Variants in PIEZO1 observed in about 807,000 individuals in gnomAD.
PIEZO1 encodes the protein piezo-type mechanosensitive ion channel component 1.
A neutral mutation model predicts 297.2 loss-of-function variants in PIEZO1; 296 were observed. The ratio of observed to expected loss-of-function variants is 1.00; its 90% CI spans 0.91 to 1.10. The LOEUF (loss-of-function observed/expected upper bound fraction) is 1.10. Among genes scored for constraint, PIEZO1 ranks in the 50% least tolerant of loss-of-function variants. The pLI, the probability that PIEZO1 is intolerant of heterozygous loss-of-function variation, is 0.00. For missense variants in PIEZO1, 5,018 were observed against 3,455.5 expected, an observed-to-expected ratio of 1.45 and a Z score of -11.34; for synonymous variants, 2,427 against 1,507.5, an observed-to-expected ratio of 1.61 and a Z score of -14.13.
Position 88,733,218 on chromosome 16 carries a change from G to A in PIEZO1, c.2664+60C>T, listed in dbSNP as rs552647278. On this transcript the variant is annotated intron_variant, in intron 19 of 50. Coordinates refer to ENST00000301015, the MANE Select transcript of PIEZO1 (RefSeq NM_001142864.4). ...CTGAGGCAGCTGCCCCAGGAGGGTC[G>A]GGCTGCGAATACAGAGTTGCCTGGA... 49 of 1,443,804 alleles carry A rather than the reference G, an allele frequency of 3.4e-5. 1 individual carries two copies. Among genetic ancestry groups the A allele is most frequent in the African/African-American group, 2.3e-4 (16 of 71,054 alleles). The allele number at this position is 1,443,804 out of a possible 1,614,324, so 89.4% of individuals were successfully genotyped here. A position where few individuals can be genotyped will look rare whatever the true frequency, so the allele number is the denominator to read the frequency against.
intron 1 of PIEZO1, among the ~76,000 whole-genome samples, chr16:88,781,348 G>A (rs1597492723): frequency 2.0e-5 from 3 of 152,220 alleles, no homozygotes; most frequent in Admixed American, 2.0e-4. Context: ...CTGTGTCCTG[G>A]GCACCAGTGA....
intron 1 of PIEZO1, among the ~76,000 whole-genome samples, chr16:88,783,838 C>T (rs991876400): frequency 6.6e-6 from 1 of 152,262 alleles, no homozygotes; most frequent in African/African-American, 2.4e-5. Flanking sequence ...CTCAGGCAGG[C>T]GGCTCTAGAT....
chr16:88,738,490 C>G (rs1420419999), intron 6 of PIEZO1, 50 bp from the exon 7 acceptor site: 2 of 1,525,388 alleles, frequency 1.3e-6, no homozygotes, highest in East Asian at 4.9e-5. Context: ...CCATGTGTCC[C>G]GCTGTCTCCA....
At chr16:88,776,597 G>C (rs1339188095) in intron 1 of PIEZO1, among the ~76,000 whole-genome samples, 4 of 152,148 alleles carry the variant, frequency 2.6e-5, no homozygotes, top group Non-Finnish European at 5.9e-5. Context: ...TGTGTGCTCA[G>C]GGCATCTGGG....
intron 27 of PIEZO1, 72 bp downstream of exon 27, chr16:88,726,212 G>A: frequency 7.5e-7 from 1 of 1,327,790 alleles, no homozygotes; most frequent in Non-Finnish European, 1.0e-6. Flanking sequence ...GCCTGAGACA[G>A]TGAGGAACCT....
At chr16:88,720,879 G>A (rs1341538270) in intron 39 of PIEZO1, 131 bp from the exon 40 acceptor site, 2 of 1,118,826 alleles carry the variant, frequency 1.8e-6, no homozygotes, top group African/African-American at 3.1e-5. Flanking sequence ...AAAGCTCCCA[G>A]TGTCACTGGC....
At chr16:88,765,088 C>A (rs997745246) in intron 1 of PIEZO1, among the ~76,000 whole-genome samples, 1 of 152,248 alleles carries the variant, frequency 6.6e-6, no homozygotes, top group Non-Finnish European at 1.5e-5. Context: ...GAGCCCTCAC[C>A]CTGTGATTTA....
chr16:88,727,785 A>C, intron 22 of PIEZO1, 124 bp from the exon 23 acceptor site: 1 of 474,360 alleles, frequency 2.1e-6, no homozygotes, highest in Non-Finnish European at 3.8e-6. Context: ...CCTCGCGCAC[A>C]CCTGGTGTCT....
At chr16:88,738,868 C>T (rs532916854) in intron 5 of PIEZO1, 132 bp from the exon 6 acceptor site, 4 of 778,040 alleles carry the variant, frequency 5.1e-6, no homozygotes, top group East Asian at 5.4e-5. Context: ...CACAGGACAG[C>T]CTCCCCGGGC....
intron 19 of PIEZO1, 111 bp from the exon 20 acceptor site, chr16:88,732,843 G>A: frequency 1.8e-6 from 2 of 1,107,974 alleles, no homozygotes; most frequent in East Asian, 2.6e-5. Flanking sequence ...TCCCCAGCCA[G>A]GGACACGGGG....
At chr16:88,722,483 G>C in intron 35 of PIEZO1, 86 bp from the exon 36 acceptor site, 1 of 1,428,964 alleles carries the variant, frequency 7.0e-7, no homozygotes, top group Non-Finnish European at 9.3e-7. Flanking sequence ...AAGTGCCCAC[G>C]GTCCTTTGGG....
chr16:88,750,250 C>T (rs1231563236), intron 1 of PIEZO1, among the ~76,000 whole-genome samples: 4 of 151,326 alleles, frequency 2.6e-5, no homozygotes, highest in African/African-American at 7.3e-5. Flanking sequence ...GCAGGAGAAT[C>T]GCTTGAACCC....
intron 7 of PIEZO1, 31 bp from the exon 8 acceptor site, chr16:88,738,136 A>C (rs1597461827): frequency 6.5e-7 from 1 of 1,534,768 alleles, no homozygotes. Flanking sequence ...ACAGCCTACC[A>C]CCCCAGAGGC....
intron 1 of PIEZO1, among the ~76,000 whole-genome samples, chr16:88,768,206 C>A (rs1290472130): frequency 6.6e-6 from 1 of 152,230 alleles, no homozygotes; most frequent in East Asian, 1.9e-4. Context: ...TCCTCTTGTG[C>A]GGCCTGGCAC....
At chr16:88,759,767 C>T (rs547228185) in intron 1 of PIEZO1, among the ~76,000 whole-genome samples, 4 of 152,162 alleles carry the variant, frequency 2.6e-5, no homozygotes, top group Admixed American at 6.5e-5. Context: ...GAAGCCAGCC[C>T]GCCCCCAGAC....
In PIEZO1 at chr16:88,725,526, T is replaced by C; in HGVS notation, c.4059-7A>G. 1 of 1,533,370 alleles carries C rather than the reference T, an allele frequency of 6.5e-7. No homozygotes were observed. The allele number at this position is 1,533,370 out of a possible 1,614,324, so 95.0% of individuals were successfully genotyped here. A position where few individuals can be genotyped will look rare whatever the true frequency, so the allele number is the denominator to read the frequency against. ...GGCACGGATACGCTCCATCCTGTGG[T>C]GGGGAAAGGTGGGGTATGCTGAGCA... On this transcript the variant is annotated splice_region_variant and splice_polypyrimidine_tract_variant and intron_variant, in intron 28 of 50. Transcript: ENST00000301015.
At chr16:88,722,137 G>A (rs1280299456) in intron 36 of PIEZO1, 71 bp from the exon 37 acceptor site, 16 of 1,520,052 alleles carry the variant, frequency 1.1e-5, no homozygotes, top group Non-Finnish European at 1.3e-5. Flanking sequence ...TCTGTTGCCG[G>A]TCACAGTCAG....
rs375063926 is a variant in PIEZO1, at chr16:88,760,044, A to G, written c.65-10565T>C. The stretch of plus-strand genomic sequence containing the variant: ...CGCGCCAATCCCCACCTGCCCCTCA[A>G]AGGCCCCAGCGGACGTGACACCTGG... On this transcript the variant is annotated intron_variant, in intron 1 of 50. Coordinates refer to ENST00000301015, the MANE Select transcript of PIEZO1 (RefSeq NM_001142864.4). Among the ~76,000 whole-genome samples, 110 of 152,270 alleles carry G rather than the reference A, an allele frequency of 7.2e-4. No homozygotes were observed. In the East Asian group the frequency reaches 0.014, roughly 20 times the overall value.
chr16:88,753,275 C>T (rs183705842), intron 1 of PIEZO1, among the ~76,000 whole-genome samples: 1 of 48,576 alleles, frequency 2.1e-5, no homozygotes, highest in African/African-American at 8.3e-5. Flanking sequence ...AGAGCTCACC[C>T]GCCCCCCCAG....
Sources: allele counts gnomAD v4.1 joint callset (sites outside exome capture counted in the v4.1 genomes callset), GRCh38; gene constraint gnomAD v4.1.1; transcripts MANE v1.5; gene names NCBI Gene and HGNC (gene_info 2026-07-23, HGNC 2026-07-21).